RASGRP3: variants seen among roughly 807,000 people sequenced by gnomAD.
RASGRP3 encodes RAS guanyl releasing protein 3.
A neutral mutation model predicts 82.7 loss-of-function variants in RASGRP3; 54 were observed. That is an observed-to-expected ratio of 0.65 (90% CI 0.52 to 0.82). The LOEUF is 0.82. Among genes scored for constraint, RASGRP3 ranks in the 40% least tolerant of loss-of-function variants. The pLI, the probability that RASGRP3 is intolerant of heterozygous loss-of-function variation, is 0.00. For synonymous variants in RASGRP3, 309 were observed against 300.5 expected (o/e 1.03, Z -0.29); for missense variants, 861 against 828.9 (o/e 1.04, Z -0.48).
chr2:33,549,460 T>A, intron 13 of RASGRP3, 144 bp from the exon 14 acceptor site: 1 of 786,782 alleles, frequency 1.3e-6, no homozygotes, highest in Non-Finnish European at 2.0e-6. Context: ...TGAGGTTTGC[T>A]CCTTCTCTGA....
chr2:33,521,409 A>G (rs950724579), intron 6 of RASGRP3, among the ~76,000 whole-genome samples: 1 of 152,168 alleles, frequency 6.6e-6, no homozygotes, highest in Non-Finnish European at 1.5e-5. Flanking sequence ...TCCACTGTCG[A>G]TTACTATTGA....
chr2:33,474,031 A>G (rs1657711639), upstream of RASGRP3, among the ~76,000 whole-genome samples: 1 of 151,976 alleles, frequency 6.6e-6, no homozygotes, highest in African/African-American at 2.4e-5. Context: ...GCCACAGCTG[A>G]TCTGACAGGA....
intron 12 of RASGRP3, among the ~76,000 whole-genome samples, chr2:33,540,574 G>GT (rs1674190965): frequency 2.2e-5 from 1 of 46,236 alleles, no homozygotes; most frequent in Non-Finnish European, 5.0e-5. Flanking sequence ...GTGTGTGTGT[G>GT]TGTGTGTGTG....
At chr2:33,562,199 T>G (rs1676741484) in intron 17 of RASGRP3, among the ~76,000 whole-genome samples, 1 of 151,790 alleles carries the variant, frequency 6.6e-6, no homozygotes, top group African/African-American at 2.4e-5. Flanking sequence ...AAGGTCAACA[T>G]CCTAGTTGGA....
intron 1 of RASGRP3, among the ~76,000 whole-genome samples, chr2:33,503,905 TAATAAA>T (rs1670111032): frequency 6.6e-6 from 1 of 152,168 alleles, no homozygotes; most frequent in Non-Finnish European, 1.5e-5. Flanking sequence ...ATAAAATTAA[TAATAAA>T]AATAAAGCAG....
At chr2:33,458,477 A>G (rs1310129649) in intron 2 of RASGRP3, among the ~76,000 whole-genome samples, 1 of 152,210 alleles carries the variant, frequency 6.6e-6, no homozygotes, top group Non-Finnish European at 1.5e-5. Context: ...ATATATTGCA[A>G]CCTCTCACTA....
intron 13 of RASGRP3, 53 bp from the exon 14 acceptor site, chr2:33,549,551 A>G (rs1046753531): frequency 1.4e-5 from 22 of 1,545,496 alleles, no homozygotes; most frequent in African/African-American, 2.7e-5. Context: ...TGTGGCAACT[A>G]CTTAGCAACC....
intron 2 of RASGRP3, among the ~76,000 whole-genome samples, chr2:33,464,238 A>G (rs1666552747): frequency 6.9e-6 from 1 of 145,626 alleles, no homozygotes; most frequent in South Asian, 2.2e-4. Flanking sequence ...CCTGTCTCAG[A>G]CTCCCAAGTA....
intron 2 of RASGRP3, among the ~76,000 whole-genome samples, chr2:33,462,864 A>G (rs79146820): frequency 0.021 from 3,201 of 152,358 alleles, 116 homozygotes; most frequent in East Asian, 0.15. Context: ...GCTTGAATAG[A>G]AAGGAAATCA....
At chr2:33,485,777 T>G (rs535436373) in intron 1 of RASGRP3, among the ~76,000 whole-genome samples, 19 of 152,350 alleles carry the variant, frequency 1.2e-4, no homozygotes, top group Admixed American at 6.5e-4. Flanking sequence ...GAAGGAATAT[T>G]GCTTTCAACC....
rs1024758392 is a variant in RASGRP3 at position 33,491,367 on chromosome 2, A to G, written c.-261+14660A>G. On this transcript the variant is annotated intron_variant, in intron 1 of 17. Transcript: ENST00000403687. ...AAACTTAATTGTCACCCAGAAAAAA[A>G]AAAGAAACAAGATACTGTTTAATAA... Among the ~76,000 whole-genome samples the G allele has an allele frequency of 2.0e-5, 3 of 152,322 alleles. No homozygotes were observed. The South Asian group carries it at 6.2e-4, about 32-fold the overall frequency.
At chr2:33,480,111 C>T (rs894441258) in intron 1 of RASGRP3, among the ~76,000 whole-genome samples, 4 of 144,054 alleles carry the variant, frequency 2.8e-5, no homozygotes, top group South Asian at 2.2e-4. Context: ...GGTGAGATCT[C>T]GGCTCACTGC....
At chr2:33,542,599 G>A (rs2151076144) in intron 12 of RASGRP3, among the ~76,000 whole-genome samples, 1 of 146,978 alleles carries the variant, frequency 6.8e-6, no homozygotes, top group East Asian at 1.9e-4. Context: ...ACTCAACCCT[G>A]AGGTTTCAGT....
chr2:33,506,496 A>G (rs1351734226), intron 1 of RASGRP3, among the ~76,000 whole-genome samples: 1 of 152,210 alleles, frequency 6.6e-6, no homozygotes, highest in African/African-American at 2.4e-5. Flanking sequence ...TTTTCCCAAC[A>G]TTATATCTGT....
At chr2:33,516,458 G>A in intron 3 of RASGRP3, 84 bp from the exon 4 acceptor site, 1 of 855,058 alleles carries the variant, frequency 1.2e-6, no homozygotes, top group Non-Finnish European at 1.8e-6. Flanking sequence ...TTTGACATAT[G>A]ACACTACTGC....
chr2:33,503,538 T>A (rs1485677391), intron 1 of RASGRP3, among the ~76,000 whole-genome samples: 1 of 152,144 alleles, frequency 6.6e-6, no homozygotes, highest in South Asian at 2.1e-4. Flanking sequence ...CTTCTAATTA[T>A]GGGCCTCAAG....
At chr2:33,529,979 G>T (rs566276195) in intron 10 of RASGRP3, among the ~76,000 whole-genome samples, 3 of 152,282 alleles carry the variant, frequency 2.0e-5, no homozygotes, top group South Asian at 4.1e-4. Flanking sequence ...CAAGAAGAAA[G>T]TTTAGTGCAT....
At chr2:33,493,131 G>A (rs1669001168) in intron 1 of RASGRP3, 2 of 152,166 alleles carry the variant, frequency 1.3e-5, no homozygotes, top group Non-Finnish European at 1.5e-5. Flanking sequence ...TTAATAAGAG[G>A]CATGCATCCT....
At chr2:33,541,109 G>C (rs956123257) in intron 12 of RASGRP3, among the ~76,000 whole-genome samples, 1 of 147,192 alleles carries the variant, frequency 6.8e-6, no homozygotes, top group Admixed American at 7.0e-5. Flanking sequence ...ACATGTGTTT[G>C]CAGAAAGAAC....
Sources: gnomAD v4.1 joint callset for allele counts (sites outside exome capture counted in the v4.1 genomes callset) on GRCh38, gnomAD v4.1.1 for gene constraint, MANE v1.5 for transcripts, NCBI Gene and HGNC (gene_info 2026-07-23, HGNC 2026-07-21) for gene names.